THSD1: variants seen among roughly 807,000 people sequenced by gnomAD.
The protein encoded by THSD1 is thrombospondin type-1 domain-containing protein 1.
A neutral mutation model predicts 46.3 loss-of-function variants in THSD1; 34 were observed. The observed-to-expected ratio is 0.74, with a 90% confidence interval of 0.56 to 0.98. The LOEUF (loss-of-function observed/expected upper bound fraction) is 0.98, where lower values mean the gene tolerates loss of function less well. Among genes scored for constraint, THSD1 ranks in the 50% least tolerant of loss-of-function variants. THSD1 has a pLI of 0.00. For synonymous variants in THSD1, 407 were observed against 416.5 expected, an observed-to-expected ratio of 0.98 and a Z score of 0.28; for missense variants, 1,023 against 1,058.3, an observed-to-expected ratio of 0.97 and a Z score of 0.46.
chr13:52,389,860 T>A (rs1438982380), intron 3 of THSD1, among the ~76,000 whole-genome samples: 2 of 151,988 alleles, frequency 1.3e-5, no homozygotes, highest in African/African-American at 4.8e-5. Flanking sequence ...ATTATTCTGG[T>A]AGTCATGGTG....
Position 52,397,631 on chromosome 13 carries a change from G to A in THSD1, c.622C>T (p.Pro208Ser), listed in dbSNP as rs779573766. Reference protein sequence around the residue: ...QGQWVEFGCAPLGPEAYVTVV... With the variant: ...QGQWVEFGCASLGPEAYVTVV... ...GTGACATAGGCTTCTGGCCCCAAGG[G>A]TGCACAGCCAAACTCAACCCACTGA... is the stretch of plus-strand genomic sequence containing the variant. The change falls in exon 3 of 5, where the codon CCC becomes TCC. Residue 208 changes from proline to serine, a missense_variant. Coordinates refer to ENST00000258613, the MANE Select transcript of THSD1 (RefSeq NM_018676.4). 8 of 1,614,164 alleles carry A rather than the reference G, an allele frequency of 5.0e-6. No individual in the cohort carries two copies. The highest frequency in any genetic ancestry group is 6.8e-6 in the Non-Finnish European group (8 of 1,180,030).
At position 52,397,717 on chromosome 13, in the gene THSD1, C is replaced by T; in HGVS notation, c.536G>A (p.Arg179Lys). The T allele has an allele frequency of 6.2e-7, 1 of 1,614,244 alleles. No homozygotes were observed. Among genetic ancestry groups the T allele is most frequent in the Non-Finnish European group, 8.5e-7 (1 of 1,180,044 alleles). The change falls in exon 3 of 5, where the codon AGA (arginine) becomes AAA (lysine). Residue 179 changes from arginine (R) to lysine (K), a missense_variant. Transcript: ENST00000258613. The part of the protein sequence containing the change: ...VIFTNSLPEA[R>K]RNSRQPLEIR... ...TTCCAGCGGCTGTCTTGAATTTCTT[C>T]TTGCCTCAGGAAGACTGTTGGTGAA...
At chr13:52,392,173 G>A (rs1412474921) in intron 3 of THSD1, among the ~76,000 whole-genome samples, 1 of 133,392 alleles carries the variant, frequency 7.5e-6, no homozygotes, top group Non-Finnish European at 1.6e-5. Flanking sequence ...GCCTGGGGGA[G>A]AGAGTGAGAC....
intron 3 of THSD1, among the ~76,000 whole-genome samples, chr13:52,386,837 C>A (rs1284263798): frequency 6.6e-6 from 1 of 152,302 alleles, no homozygotes; most frequent in East Asian, 1.9e-4. Flanking sequence ...ACCCTATTAT[C>A]CTAAGAGCAC....
chr13:52,398,887 A>G (rs1252789892), intron 2 of THSD1, among the ~76,000 whole-genome samples: 2 of 152,208 alleles, frequency 1.3e-5, no homozygotes, highest in Non-Finnish European at 2.9e-5. Flanking sequence ...GACACAATAC[A>G]AATTGTTCTG....
intron 1 of THSD1, 123 bp from the exon 2 acceptor site, chr13:52,402,804 A>G (rs968272510): frequency 2.9e-6 from 4 of 1,363,164 alleles, no homozygotes; most frequent in Admixed American, 3.2e-5. Flanking sequence ...GAAACTAGAG[A>G]GGACACTAAT....
chr13:52,380,022 A>G (rs749033302), intron 4 of THSD1, among the ~76,000 whole-genome samples: 14 of 152,094 alleles, frequency 9.2e-5, no homozygotes, highest in Non-Finnish European at 1.6e-4. Context: ...CCTAAGCGTT[A>G]AAGCCTCTGC....
chr13:52,387,797 A>G (rs1957744477), intron 3 of THSD1, among the ~76,000 whole-genome samples: 1 of 152,220 alleles, frequency 6.6e-6, no homozygotes, highest in Non-Finnish European at 1.5e-5. Context: ...AAAAGAGTAC[A>G]TAAAACAGAA....
Position 52,377,700 on chromosome 13 carries a change from T to C in THSD1, c.2270A>G (p.His757Arg), listed in dbSNP as rs1566957748. The C allele has an allele frequency of 2.5e-6, 4 of 1,611,652 alleles. No individual in the cohort carries two copies. The highest frequency in any genetic ancestry group is 1.7e-5 in the Admixed American group (1 of 59,900). Residue 757 changes from histidine to arginine, a missense_variant, in exon 5 of 5, where the codon CAC becomes CGC. Physicochemically the swap from His to Arg is conservative, Grantham distance 29. This residue lies in a region of THSD1 where 578 missense variants were observed against 497.4 expected (regional missense o/e 1.16). Coordinates refer to ENST00000258613, the MANE Select transcript of THSD1 (RefSeq NM_018676.4). ...GGGGGACGGTCCCCGACGAGCTCTGTGGGGCTCTGTTCTCTCAATTCCGGC... is the reference window on the plus strand; with the variant it reads ...GGGGGACGGTCCCCGACGAGCTCTGCGGGGCTCTGTTCTCTCAATTCCGGC... Reference protein sequence around the residue: ...LVAGIERTEPHRARRGPSPSH... With the variant: ...LVAGIERTEPRRARRGPSPSH...
intron 3 of THSD1, among the ~76,000 whole-genome samples, chr13:52,390,509 C>T (rs941779379): frequency 3.9e-5 from 6 of 152,172 alleles, no homozygotes; most frequent in Non-Finnish European, 8.8e-5. Context: ...CAAGTGAACA[C>T]AATATTGGTT....
Position 52,397,779 on chromosome 13 carries a change from A to C in THSD1, c.474T>G (p.Phe158Leu). 2 of 1,614,252 alleles carry C rather than the reference A, an allele frequency of 1.2e-6. No individual in the cohort carries two copies. Among genetic ancestry groups the C allele is most frequent in the South Asian group, 1.1e-5 (1 of 91,088 alleles). Residue 158 changes from phenylalanine to leucine, a missense_variant, in exon 3 of 5, where the codon TTT becomes TTG. Phe to Leu is a conservative substitution (Grantham distance 22). Around this residue, in one of 3 missense-constraint regions of THSD1, gnomAD observed 429 missense variants for 518.3 expected, o/e 0.83. Transcript: ENST00000258613. ...GLFTSQPLCPFPVDKPNIVVD... is the reference protein window; with the variant it reads ...GLFTSQPLCPLPVDKPNIVVD... ...CTACGATGTTGGGCTTGTCCACAGG[A>C]AACGGGCACAGTGGTTGACTGGTAA...
rs756227682 is a variant in THSD1 at position 52,377,616 on chromosome 13, T to TAGA, written c.2353_2354insTCT (p.Gln785delinsLeuTer). 6.2e-7 allele frequency: 1 copy of TAGA among 1,608,394 alleles called. No individual in the cohort carries two copies. Among genetic ancestry groups the TAGA allele is most frequent in the Non-Finnish European group, 8.5e-7 (1 of 1,175,786 alleles). On this transcript the variant is annotated stop_gained and protein_altering_variant, in exon 5 of 5. Transcript: ENST00000258613. LOFTEE classifies it high-confidence loss of function. ...AGAAGGGCTCAGAGAACTGACCCTC[T>TAGA]GGTAGTTATCTTTGGGGGATATGGG...
At chr13:52,404,375 C>T (rs1463803777) in intron 1 of THSD1, among the ~76,000 whole-genome samples, 1 of 152,132 alleles carries the variant, frequency 6.6e-6, no homozygotes, top group Admixed American at 6.6e-5. Flanking sequence ...GGAAGGGAAA[C>T]TGGTGTGTCT....
At chr13:52,394,882 C>T (rs971333012) in intron 3 of THSD1, among the ~76,000 whole-genome samples, 3 of 152,168 alleles carry the variant, frequency 2.0e-5, no homozygotes, top group Non-Finnish European at 4.4e-5. Context: ...AGATATTAAA[C>T]AAGCAATGGC....
chr13:52,381,676 C>G (rs567971852), intron 4 of THSD1, among the ~76,000 whole-genome samples: 1 of 152,162 alleles, frequency 6.6e-6, no homozygotes. Context: ...TCTAGGACTC[C>G]TTTGTCCAGG....
At position 52,397,420 on chromosome 13, in the gene THSD1, G is replaced by A. The variant is rs772474526; in HGVS notation, c.833C>T (p.Ala278Val). 22 of 1,613,950 alleles carry A rather than the reference G, an allele frequency of 1.4e-5. No homozygotes were observed. Among genetic ancestry groups the A allele is most frequent in the Admixed American group, 5.0e-5 (3 of 59,990 alleles). ...VQGVVTVFKEAPRYPGKRTIH... is the reference protein window; with the variant it reads ...VQGVVTVFKEVPRYPGKRTIH... ...GGTCCTCTTCCCAGGGTATCTGGGG[G>A]CCTCCTTGAAGACAGTGACCACTCC... Residue 278 changes from alanine (A) to valine (V), a missense_variant, in exon 3 of 5, where the codon GCC becomes GTC. Physicochemically the swap from Ala to Val is moderately conservative, Grantham distance 64 (BLOSUM62 0). Transcript: ENST00000258613.
At chr13:52,400,603 A>C (rs545192620) in intron 2 of THSD1, among the ~76,000 whole-genome samples, 3 of 152,136 alleles carry the variant, frequency 2.0e-5, no homozygotes, top group South Asian at 2.1e-4. Flanking sequence ...CCATCTCAAA[A>C]AAACAAACAA....
chr13:52,396,005 A>G (rs1178898582), intron 3 of THSD1, among the ~76,000 whole-genome samples: 3 of 152,160 alleles, frequency 2.0e-5, no homozygotes, highest in Non-Finnish European at 4.4e-5. Flanking sequence ...AAAAGGACGA[A>G]GCTAAGGAGT....
Position 52,377,539 on chromosome 13 carries a change from A to G in THSD1, c.2431T>C (p.Phe811Leu). 6.2e-7 allele frequency: 1 copy of G among 1,600,308 alleles called. No individual in the cohort carries two copies. Among genetic ancestry groups the G allele is most frequent in the Non-Finnish European group, 8.6e-7 (1 of 1,168,460 alleles). Residue 811 changes from phenylalanine to leucine, a missense_variant, in exon 5 of 5, where the codon TTC becomes CTC. Around this residue, in one of 3 missense-constraint regions of THSD1, gnomAD observed 578 missense variants for 497.4 expected, o/e 1.16. Transcript: ENST00000258613. Reference sequence around the variant, plus strand: ...AGGCCAAACGACGTATTGTCATAGAAGGCAAACTCAGGGTGAGTGGGGAAG... The same window carrying G: ...AGGCCAAACGACGTATTGTCATAGAGGGCAAACTCAGGGTGAGTGGGGAAG... Reference protein sequence around the residue: ...QSFPTHPEFAFYDNTSFGLTE... With the variant: ...QSFPTHPEFALYDNTSFGLTE...
Sources: gnomAD v4.1 joint callset for allele counts (sites outside exome capture counted in the v4.1 genomes callset) on GRCh38, gnomAD v4.1.1 for gene constraint, gnomAD v4.1.1 regional missense constraint, MANE v1.5 for transcripts, NCBI Gene and HGNC (gene_info 2026-07-23, HGNC 2026-07-21) for gene names.